Variants in ICA1L observed in about 807,000 individuals in gnomAD.
The protein encoded by ICA1L is islet cell autoantigen 1 like.
A neutral mutation model predicts 61.3 loss-of-function variants in ICA1L; 50 were observed. That is an observed-to-expected ratio of 0.82 (90% CI 0.65 to 1.03). The LOEUF is 1.03. Among genes scored for constraint, ICA1L ranks in the 50% least tolerant of loss-of-function variants. The probability of loss-of-function intolerance (pLI) is 0.00; values close to 1 mark genes in which losing one functional copy is unlikely to be tolerated. For missense variants in ICA1L, 508 were observed against 556.7 expected (o/e 0.91, Z 0.88); for synonymous variants, 161 against 191.3 (o/e 0.84, Z 1.31).
chr2:202,803,302 G>A lies in ICA1L; in HGVS notation c.911-6338C>T, dbSNP rs752891071. 4.0e-5 allele frequency among the ~76,000 whole-genome samples: 6 copies of A among 149,516 alleles called. No homozygotes were observed. The South Asian group carries it at 8.5e-4, about 21-fold the overall frequency. ...TGTAATCCCAGCTACTCAGGAGGCC[G>A]AAGCAGGAGAATCTCTTGAACCCAG... On this transcript the variant is annotated intron_variant, in intron 9 of 12. Coordinates refer to ENST00000358299, the MANE Select transcript of ICA1L (RefSeq NM_001288622.3).
At chr2:202,834,093 T>C (rs1470495136) in intron 1 of ICA1L, among the ~76,000 whole-genome samples, 1 of 152,210 alleles carries the variant, frequency 6.6e-6, no homozygotes, top group Non-Finnish European at 1.5e-5. Context: ...AATACATATG[T>C]TAATTATGTT....
At chr2:202,782,786 T>C (rs553245665) in intron 12 of ICA1L, among the ~76,000 whole-genome samples, 2 of 152,132 alleles carry the variant, frequency 1.3e-5, no homozygotes, top group African/African-American at 4.8e-5. Context: ...TCCTCGAAAA[T>C]CAGCCTCAAG....
rs778355110 is a variant in ICA1L, at chr2:202,862,272, C to CAAA, written c.-8+9344_-8+9346dup. On this transcript the variant is annotated intron_variant, in intron 1 of 12. Transcript: ENST00000358299. ...GCAACACAGTAAGACCTCATTTCTA[C>CAAA]AAAAAAAAAAAAAAAAAAAAAAAAA... Among the ~76,000 whole-genome samples the CAAA allele has an allele frequency of 2.6e-3, 163 of 62,904 alleles. 14 individuals are homozygous for CAAA. The highest frequency in any genetic ancestry group is 0.012 in the African/African-American group (144 of 12,054). The allele number at this position is 62,904 out of a possible 152,430, so 41.3% of individuals were successfully genotyped here. A position where few individuals can be genotyped will look rare whatever the true frequency, so the allele number is the denominator to read the frequency against.
intron 1 of ICA1L, among the ~76,000 whole-genome samples, chr2:202,869,920 A>G (rs1687647552): frequency 6.6e-6 from 1 of 152,216 alleles, no homozygotes. Context: ...TGAAAAATAG[A>G]CAAAATGGAA....
chr2:202,822,395 C>A (rs1453490524), intron 3 of ICA1L, among the ~76,000 whole-genome samples: 3 of 152,176 alleles, frequency 2.0e-5, no homozygotes, highest in Admixed American at 1.3e-4. Context: ...AACTCCTAGC[C>A]TCAAGCCATC....
chr2:202,830,369 C>G (rs1021986675), intron 1 of ICA1L, among the ~76,000 whole-genome samples: 5 of 152,110 alleles, frequency 3.3e-5, no homozygotes, highest in Non-Finnish European at 7.4e-5. Context: ...GATCACGCCA[C>G]TGCACTCCAG....
intron 8 of ICA1L, among the ~76,000 whole-genome samples, chr2:202,813,845 C>A (rs374971481): frequency 2.8e-4 from 42 of 152,208 alleles, no homozygotes; most frequent in African/African-American, 9.6e-4. Flanking sequence ...GTAACCAGTC[C>A]CAGTCCTATG....
intron 6 of ICA1L, 141 bp from the exon 7 acceptor site, chr2:202,816,150 G>A (rs1693527509): frequency 1.8e-6 from 1 of 548,798 alleles, no homozygotes; most frequent in Non-Finnish European, 3.2e-6. Context: ...CCAAGTTTAG[G>A]GAACCATAAA....
Position 202,788,887 on chromosome 2 carries a change from G to A in ICA1L, c.1186C>T (p.Arg396Ter), listed in dbSNP as rs764157511. ...TCAAAGAGTTGTGAAGGAAGGAATC[G>A]AGAAGAATGAGCGAGGGGCTCAGAC... ...MGSEPLAHSS[R>*]FLPSQLFDLG... is the part of the protein sequence containing the mutation. The change falls in exon 11 of 13, where the codon CGA (arginine) becomes TGA (stop). Residue 396 changes from arginine to a stop codon, truncating the protein, a stop_gained. Transcript: ENST00000358299. LOFTEE classifies it high-confidence loss of function. 5 of 1,614,082 alleles carry A rather than the reference G, an allele frequency of 3.1e-6. No homozygotes were observed. Among genetic ancestry groups the A allele is most frequent in the South Asian group, 2.2e-5 (2 of 91,082 alleles).
Position 202,776,315 on chromosome 2 carries a change from T to G in ICA1L, c.*3218A>C, listed in dbSNP as rs1480097559. The G allele has an allele frequency of 6.6e-6, 1 of 151,944 alleles. No homozygotes were observed. The highest frequency in any genetic ancestry group is 2.4e-5 in the African/African-American group (1 of 41,350). 9.4% of individuals were successfully genotyped at this position (151,944 alleles called of 1,614,324 possible). A position where few individuals can be genotyped will look rare whatever the true frequency, so the allele number is the denominator to read the frequency against. ...ACTAGGCAAAGTTTAGCTCGTCTGG[T>G]TTTTTTTAGACTTAAAACACATTTT... On this transcript the variant is annotated 3_prime_UTR_variant, in exon 13 of 13. Transcript: ENST00000358299.
At chr2:202,832,124 T>C (rs887470449) in intron 1 of ICA1L, among the ~76,000 whole-genome samples, 1 of 152,196 alleles carries the variant, frequency 6.6e-6, no homozygotes, top group Non-Finnish European at 1.5e-5. Flanking sequence ...AGGAGACAGT[T>C]TGGAGTCTGA....
chr2:202,781,176 TATAGG>T (rs1692390121), intron 12 of ICA1L, among the ~76,000 whole-genome samples: 2 of 152,110 alleles, frequency 1.3e-5, no homozygotes, highest in South Asian at 2.1e-4. Context: ...CAGAGATTCT[TATAGG>T]ATAACAAGCA....
chr2:202,799,083 G>A (rs760428428), intron 9 of ICA1L, among the ~76,000 whole-genome samples: 16 of 152,202 alleles, frequency 1.1e-4, no homozygotes, highest in South Asian at 2.1e-4. Context: ...TGCAATAATC[G>A]TGCAAGTGCA....
chr2:202,786,711 C>T (rs1247041028), intron 11 of ICA1L: 2 of 452,160 alleles, frequency 4.4e-6, no homozygotes, highest in Non-Finnish European at 8.9e-6. Context: ...AGCAATTTTT[C>T]TTAAGGAAAT....
chr2:202,808,582 G>T (rs1165929647), intron 9 of ICA1L, among the ~76,000 whole-genome samples: 1 of 152,078 alleles, frequency 6.6e-6, no homozygotes, highest in African/African-American at 2.4e-5. Context: ...TCCTGCTGAT[G>T]GTAGAGCCCT....
intron 9 of ICA1L, among the ~76,000 whole-genome samples, chr2:202,801,950 A>G (rs901343330): frequency 2.6e-5 from 4 of 152,224 alleles, no homozygotes; most frequent in African/African-American, 9.7e-5. Flanking sequence ...AAGAGCAAAC[A>G]AATATTGGCT....
intron 8 of ICA1L, among the ~76,000 whole-genome samples, chr2:202,813,628 A>G (rs1693443224): frequency 6.6e-6 from 1 of 152,224 alleles, no homozygotes; most frequent in Admixed American, 6.5e-5. Flanking sequence ...GTTGGGCTTT[A>G]TAACAAACCA....
chr2:202,856,438 C>G (rs561259451), intron 1 of ICA1L, among the ~76,000 whole-genome samples: 1 of 152,040 alleles, frequency 6.6e-6, no homozygotes, highest in Non-Finnish European at 1.5e-5. Context: ...CACCCCTTCA[C>G]GCTAAAAACT....
chr2:202,816,358 TAAAG>T (rs1693534361), intron 6 of ICA1L, among the ~76,000 whole-genome samples: 1 of 152,202 alleles, frequency 6.6e-6, no homozygotes, highest in Admixed American at 6.5e-5. Flanking sequence ...CAATCTCTGT[TAAAG>T]GAGGAACATA....
Sources: allele counts gnomAD v4.1 joint callset (sites outside exome capture counted in the v4.1 genomes callset), GRCh38; gene constraint gnomAD v4.1.1; transcripts MANE v1.5; gene names NCBI Gene and HGNC (gene_info 2026-07-23, HGNC 2026-07-21).